GALNT13: variants seen among roughly 807,000 people sequenced by gnomAD.
GALNT13 encodes UDP-GalNAc:polypeptide N-acetylgalactosaminyltransferase 13.
GALNT13 carries 28 observed loss-of-function variants against 64.2 expected under a neutral mutation model. That is an observed-to-expected ratio of 0.44 (90% CI 0.32 to 0.60). The LOEUF (loss-of-function observed/expected upper bound fraction) is 0.60, where lower values mean the gene tolerates loss of function less well. Ranked by LOEUF, GALNT13 falls within the 20% of genes least tolerant of loss-of-function variation. The pLI is 0.05. For missense variants in GALNT13, 577 were observed against 669.8 expected, an observed-to-expected ratio of 0.86 and a Z score of 1.53; for synonymous variants, 214 against 224.6, an observed-to-expected ratio of 0.95 and a Z score of 0.42.
chr2:153,210,997 A>G, the GALNT13 span, among the ~76,000 whole-genome samples: 1 of 152,192 alleles, frequency 6.6e-6, no homozygotes, highest in Admixed American at 6.5e-5. Context: ...TATATAGAGC[A>G]TCTCAGAGAA....
intron 3 of GALNT13, among the ~76,000 whole-genome samples, chr2:154,019,602 C>CCACACACACACACA (rs67316542): frequency 7.9e-6 from 1 of 126,498 alleles, no homozygotes; most frequent in Non-Finnish European, 1.6e-5. Context: ...GAGTAAGACT[C>CCACACACACACACA]CACACACACA....
chr2:153,168,578 A>G, the GALNT13 span, among the ~76,000 whole-genome samples: 1 of 152,188 alleles, frequency 6.6e-6, no homozygotes, highest in African/African-American at 2.4e-5. Context: ...AAGATCTCTC[A>G]GCAAACTTCA....
chr2:154,194,084 G>A (rs984363619), intron 4 of GALNT13, among the ~76,000 whole-genome samples: 1 of 152,144 alleles, frequency 6.6e-6, no homozygotes, highest in Non-Finnish European at 1.5e-5. Context: ...CAAGCTACTT[G>A]TGTCCCAGCC....
chr2:153,981,091 C>G (rs1694429496), intron 3 of GALNT13, among the ~76,000 whole-genome samples: 1 of 151,872 alleles, frequency 6.6e-6, no homozygotes, highest in South Asian at 2.1e-4. Flanking sequence ...GAGAATGAAG[C>G]CATGAAAGGC....
intron 9 of GALNT13, among the ~76,000 whole-genome samples, chr2:154,386,732 G>A (rs975428329): frequency 3.3e-5 from 5 of 152,052 alleles, no homozygotes; most frequent in African/African-American, 1.2e-4. Context: ...TTGTCTCAAT[G>A]GATATCAAAT....
At chr2:154,405,645 T>C (rs1699499746) in intron 10 of GALNT13, among the ~76,000 whole-genome samples, 1 of 151,338 alleles carries the variant, frequency 6.6e-6, no homozygotes, top group Non-Finnish European at 1.5e-5. Flanking sequence ...TCCCAGCTAC[T>C]TGGGAAGCTG....
intron 3 of GALNT13, among the ~76,000 whole-genome samples, chr2:154,066,492 G>C (rs985754278): frequency 7.0e-6 from 1 of 142,566 alleles, no homozygotes; most frequent in African/African-American, 2.4e-5. Flanking sequence ...CAAGAGAAAA[G>C]AGACAAATAA....
At chr2:154,113,720 G>A (rs959162894) in intron 3 of GALNT13, among the ~76,000 whole-genome samples, 2 of 152,212 alleles carry the variant, frequency 1.3e-5, no homozygotes, top group Non-Finnish European at 2.9e-5. Context: ...ATGGACAAGT[G>A]TGATATCTTG....
intron 8 of GALNT13, among the ~76,000 whole-genome samples, chr2:154,275,514 G>T (rs1480518285): frequency 1.3e-5 from 2 of 152,206 alleles, no homozygotes; most frequent in African/African-American, 4.8e-5. Context: ...ATGCTGTTAG[G>T]CCTGTGGGTT....
chr2:153,963,784 T>C (rs1416077055), intron 3 of GALNT13, among the ~76,000 whole-genome samples: 5 of 142,886 alleles, frequency 3.5e-5, no homozygotes, highest in African/African-American at 1.3e-4. Flanking sequence ...TGTGTGTGTT[T>C]GGCCAGACTT....
the GALNT13 span, among the ~76,000 whole-genome samples, chr2:153,161,199 T>C: frequency 1.3e-5 from 2 of 152,346 alleles, no homozygotes; most frequent in Non-Finnish European, 1.5e-5. Context: ...GACCAAAGGC[T>C]GTGCCTCCTT....
chr2:154,157,245 A>G (rs1684474499), intron 4 of GALNT13, among the ~76,000 whole-genome samples: 1 of 152,132 alleles, frequency 6.6e-6, no homozygotes, highest in Non-Finnish European at 1.5e-5. Flanking sequence ...TTGAATTTGT[A>G]GCCCTTTACT....
rs149013586 is a variant in GALNT13 at position 154,099,294 on chromosome 2, T to C, written c.143-41043T>C. ...GTTTTTTCTTGTTGAGTTATTTTAG[T>C]TGCTTGGAAATTCTGGATATTACTC... On this transcript the variant is annotated intron_variant, in intron 3 of 12. Transcript: ENST00000392825. Among the ~76,000 whole-genome samples, 5 of 152,286 alleles carry C rather than the reference T, an allele frequency of 3.3e-5. No homozygotes were observed. The East Asian group carries it at 9.7e-4, about 29-fold the overall frequency.
chr2:154,277,108 T>TTTCCCTATGGAAGATTACATGAA, intron 8 of GALNT13, among the ~76,000 whole-genome samples: 2 of 152,208 alleles, frequency 1.3e-5, no homozygotes, highest in African/African-American at 4.8e-5. Flanking sequence ...TGCCTTTTGT[T>TTTCCCTATGGAAGATTACATGAA]TTCCCTATGG....
chr2:153,284,547 C>A, the GALNT13 span, among the ~76,000 whole-genome samples: 2 of 152,088 alleles, frequency 1.3e-5, no homozygotes, highest in Admixed American at 6.5e-5. Flanking sequence ...TGTCTTTTAT[C>A]CCTCTCAGTA....
At chr2:153,800,086 AC>A in the GALNT13 span, among the ~76,000 whole-genome samples, 1 of 84,246 alleles carries the variant, frequency 1.2e-5, no homozygotes, top group Non-Finnish European at 2.7e-5. Flanking sequence ...CTCTCTCTCC[AC>A]CCCCCACCAC....
At chr2:153,818,095 T>C in the GALNT13 span, among the ~76,000 whole-genome samples, 27 of 147,510 alleles carry the variant, frequency 1.8e-4, no homozygotes, top group African/African-American at 6.6e-4. Flanking sequence ...AGAACCGGCA[T>C]GGAACCAGGG....
intron 9 of GALNT13, among the ~76,000 whole-genome samples, chr2:154,363,644 C>T (rs746522905): frequency 6.6e-6 from 1 of 152,124 alleles, no homozygotes; most frequent in Non-Finnish European, 1.5e-5. Flanking sequence ...TAAATGTGGG[C>T]AAATTCTTTT....
At chr2:153,808,919 G>A in the GALNT13 span, among the ~76,000 whole-genome samples, 4 of 152,100 alleles carry the variant, frequency 2.6e-5, no homozygotes, top group South Asian at 4.1e-4. Context: ...TGCTTATTCT[G>A]TGCATACACC....
Sources: gnomAD v4.1 joint callset for allele counts (sites outside exome capture counted in the v4.1 genomes callset) on GRCh38, gnomAD v4.1.1 for gene constraint, MANE v1.5 for transcripts, NCBI Gene and HGNC (gene_info 2026-07-23, HGNC 2026-07-21) for gene names.